The following CCDC77 variants were observed in gnomAD, a reference collection of about 807,000 sequenced individuals.
CCDC77 encodes the protein coiled-coil domain-containing protein 77.
Under a neutral mutation model 66.8 loss-of-function variants are expected in CCDC77, and 56 were observed. The ratio of observed to expected loss-of-function variants is 0.84; its 90% CI spans 0.68 to 1.05. CCDC77 has a LOEUF of 1.05. Ranked by LOEUF, CCDC77 falls within the 50% of genes least tolerant of loss-of-function variation. The pLI is 0.00. For synonymous variants in CCDC77, 196 were observed against 195.2 expected (o/e 1.00, Z -0.03); for missense variants, 570 against 576.8 (o/e 0.99, Z 0.12).
At chr12:427,018 G>A (rs759710569) in intron 5 of CCDC77, among the ~76,000 whole-genome samples, 9 of 152,060 alleles carry the variant, frequency 5.9e-5, no homozygotes, top group African/African-American at 1.4e-4. Flanking sequence ...TGGCTGAGGC[G>A]GGCAGATCAC....
At chr12:423,470 GTTTTT>G (rs1307027692) in intron 5 of CCDC77, among the ~76,000 whole-genome samples, 773 of 44,864 alleles carry the variant, frequency 0.017, 32 homozygotes, top group Middle Eastern at 0.1. Flanking sequence ...TGTTTTTTGT[GTTTTT>G]TGTGTTTTTT....
At chr12:408,259 A>G (rs975966402) in intron 2 of CCDC77, among the ~76,000 whole-genome samples, 15 of 152,228 alleles carry the variant, frequency 9.9e-5, no homozygotes, top group African/African-American at 9.6e-5. Context: ...TGTCAATCAT[A>G]TAACATGGTA....
chr12:438,208 A>G (rs1218135902), intron 9 of CCDC77, 127 bp from the exon 10 acceptor site: 1 of 666,958 alleles, frequency 1.5e-6, no homozygotes, highest in African/African-American at 1.8e-5. Context: ...TAAACCTGCT[A>G]ATATTTTACA....
chr12:436,759 T>TC (rs1757691588), intron 9 of CCDC77: 1 of 984,736 alleles, frequency 1.0e-6, no homozygotes, highest in African/African-American at 1.7e-5. Flanking sequence ...GAGCACATGA[T>TC]CGGTTCCTTC....
intron 1 of CCDC77, among the ~76,000 whole-genome samples, chr12:392,078 A>G (rs1270447905): frequency 6.6e-6 from 1 of 152,178 alleles, no homozygotes; most frequent in Non-Finnish European, 1.5e-5. Context: ...CTGAGTCAAT[A>G]GTATTTGGGT....
chr12:430,756 T>C lies in CCDC77; in HGVS notation c.583+20T>C. 2 of 1,581,686 alleles carry C rather than the reference T, an allele frequency of 1.3e-6. No individual in the cohort carries two copies. Among genetic ancestry groups the C allele is most frequent in the Non-Finnish European group, 1.7e-6 (2 of 1,150,526 alleles). On this transcript the variant is annotated intron_variant, in intron 7 of 12. Transcript: ENST00000239830. ...AAGCAGGTAACAACCATATAACCTA[T>C]TAGAAATTCTCATCAATGCAGAATT... is the stretch of plus-strand genomic sequence containing the variant.
At chr12:409,534 T>G in intron 3 of CCDC77, 113 bp downstream of exon 3, 4 of 1,020,032 alleles carry the variant, frequency 3.9e-6, no homozygotes, top group Non-Finnish European at 6.0e-6. Context: ...TTTTTTTTCT[T>G]TGAGACAGAG....
chr12:438,505 T>C lies in CCDC77; in HGVS notation c.992T>C (p.Val331Ala), dbSNP rs1297935085. 1.9e-6 allele frequency: 3 copies of C among 1,614,052 alleles called. No homozygotes were observed. In the Admixed American group the frequency reaches 5.0e-5, roughly 27 times the overall value. Residue 331 changes from valine (V) to alanine (A), a missense_variant, in exon 10 of 13, where the codon GTG becomes GCG. Val to Ala is a moderately conservative substitution (Grantham distance 64, BLOSUM62 0). Transcript: ENST00000239830. The stretch of plus-strand genomic sequence containing the variant: ...AAGAAAGAAGATAAAATTGGAAAAG[T>C]GTTGCCCGTTATGCATGAGAGTCAC... ...CKKKEDKIGK[V>A]LPVMHESHHA...
chr12:425,965 A>G (rs896470490), intron 5 of CCDC77, among the ~76,000 whole-genome samples: 28 of 152,182 alleles, frequency 1.8e-4, no homozygotes, highest in African/African-American at 6.5e-4. Context: ...CCCAGATTGA[A>G]GTGATTCTCC....
At chr12:434,677 A>G (rs193199913) in intron 9 of CCDC77, among the ~76,000 whole-genome samples, 2 of 152,290 alleles carry the variant, frequency 1.3e-5, no homozygotes, top group Non-Finnish European at 2.9e-5. Context: ...GAGACCAGTT[A>G]TATCTCTTCA....
intron 9 of CCDC77, among the ~76,000 whole-genome samples, chr12:435,209 T>G (rs557433033): frequency 4.0e-4 from 60 of 150,874 alleles, no homozygotes; most frequent in African/African-American, 8.3e-4. Context: ...TTTCTGTGTT[T>G]CATCTAGTTT....
rs575323339 is a variant in CCDC77, at chr12:427,624, G to A, written c.414-1145G>A. Among the ~76,000 whole-genome samples the A allele has an allele frequency of 3.0e-4, 45 of 151,786 alleles. No individual in the cohort carries two copies. In the South Asian group the frequency reaches 8.8e-3, roughly 30 times the overall value. On this transcript the variant is annotated intron_variant, in intron 5 of 12. Transcript: ENST00000239830. ...TGAGTAGCTGGGATTACAGGTGCAC[G>A]CCACCACGCCCAGATAAATTTTGCA...
upstream of CCDC77, among the ~76,000 whole-genome samples, chr12:397,531 C>T (rs1591954130): frequency 6.6e-6 from 1 of 151,958 alleles, no homozygotes; most frequent in East Asian, 1.9e-4. Flanking sequence ...GCAAATTGCT[C>T]GAAATTTTCG....
chr12:438,612 C>T, intron 10 of CCDC77, 58 bp downstream of exon 10: 1 of 1,277,578 alleles, frequency 7.8e-7, no homozygotes, highest in Non-Finnish European at 1.1e-6. Flanking sequence ...TGAAGGAATT[C>T]CAAAGAACCT....
chr12:409,831 T>TAA lies in CCDC77; in HGVS notation c.38+426_38+427dup, dbSNP rs57102155. Reference sequence around the variant, plus strand: ...CAACATGGTGAAACTCCGTCTCTACTAAAAAAAAAAAAAAAAATTAACTGG... The same window carrying TAA: ...CAACATGGTGAAACTCCGTCTCTACTAAAAAAAAAAAAAAAAAAATTAACTGG... On this transcript the variant is annotated intron_variant, in intron 3 of 12. Transcript: ENST00000239830. 9.2e-3 allele frequency: 1,263 copies of TAA among 136,686 alleles called. 6 individuals carry two copies. Among genetic ancestry groups the TAA allele is most frequent in the South Asian group, 0.024 (97 of 4,036 alleles). The allele number at this position is 136,686 out of a possible 1,614,324, so 8.5% of individuals were successfully genotyped here.
intron 5 of CCDC77, among the ~76,000 whole-genome samples, chr12:426,293 T>C (rs1476237271): frequency 6.6e-6 from 1 of 152,194 alleles, no homozygotes; most frequent in African/African-American, 2.4e-5. Flanking sequence ...TAGGAAAGAA[T>C]CCATTTGCCT....
intron 5 of CCDC77, among the ~76,000 whole-genome samples, chr12:419,130 A>T (rs1298952252): frequency 6.6e-6 from 1 of 152,218 alleles, no homozygotes; most frequent in African/African-American, 2.4e-5. Context: ...AATAATAGCT[A>T]TGAGCAGATT....
intron 1 of CCDC77, 22 bp downstream of exon 1, chr12:401,706 T>C (rs998046438): frequency 4.6e-5 from 7 of 152,266 alleles, no homozygotes; most frequent in Non-Finnish European, 8.8e-5. Context: ...GTTTCGGGTT[T>C]GGGGTGAAGG....
At chr12:436,149 G>A (rs1482785175) in intron 9 of CCDC77, among the ~76,000 whole-genome samples, 9 of 124,102 alleles carry the variant, frequency 7.3e-5, no homozygotes, top group Non-Finnish European at 9.5e-5. Flanking sequence ...ACAGAGTCTC[G>A]CTGTGTCGTC....
Sources: allele counts gnomAD v4.1 joint callset (sites outside exome capture counted in the v4.1 genomes callset), GRCh38; gene constraint gnomAD v4.1.1; transcripts MANE v1.5; gene names NCBI Gene and HGNC (gene_info 2026-07-23, HGNC 2026-07-21).